Variants in ZNF385D observed in about 807,000 individuals in gnomAD.
The protein encoded by ZNF385D is zinc finger protein 659.
Under a neutral mutation model 35.8 loss-of-function variants are expected in ZNF385D, and 15 were observed. The ratio of observed to expected loss-of-function variants is 0.42; its 90% CI spans 0.28 to 0.64. The LOEUF (loss-of-function observed/expected upper bound fraction) is 0.64, where lower values mean the gene tolerates loss of function less well. Among genes scored for constraint, ZNF385D ranks in the 30% least tolerant of loss-of-function variants. The probability of loss-of-function intolerance (pLI) is 0.23; values close to 1 mark genes in which losing one functional copy is unlikely to be tolerated. For synonymous variants in ZNF385D, 212 were observed against 186.8 expected (o/e 1.13, Z -1.10); for missense variants, 474 against 494.6 (o/e 0.96, Z 0.39).
At position 22,184,728 on chromosome 3, in the gene ZNF385D, G is replaced by A. The variant is rs146582789; in HGVS notation, c.107-15693C>T. Among the ~76,000 whole-genome samples the A allele has an allele frequency of 8.6e-3, 1,306 of 152,252 alleles. 18 individuals are homozygous for A. The highest frequency in any genetic ancestry group is 0.03 in the African/African-American group (1,231 of 41,536). On this transcript the variant is annotated intron_variant, in intron 2 of 5. Coordinates refer to the ZNF385D transcript ENST00000494108. ...TATAATCCCAGCTACTCAGGAGGCT[G>A]AGGTAGGAAAATCGCTTAAACTGGG...
chr3:22,189,289 A>C (rs1226947505), intron 2 of ZNF385D, among the ~76,000 whole-genome samples: 1 of 152,132 alleles, frequency 6.6e-6, no homozygotes, highest in African/African-American at 2.4e-5. Context: ...ACATATCCAG[A>C]ATGGCATAGA....
chr3:21,538,990 G>A (rs1383641771), intron 3 of ZNF385D, among the ~76,000 whole-genome samples: 1 of 152,010 alleles, frequency 6.6e-6, no homozygotes, highest in Non-Finnish European at 1.5e-5. Context: ...ACCATACTGT[G>A]GGCTAAAATG....
At chr3:21,578,257 T>C (rs1431482585) in intron 2 of ZNF385D, among the ~76,000 whole-genome samples, 1 of 152,212 alleles carries the variant, frequency 6.6e-6, no homozygotes, top group African/African-American at 2.4e-5. Flanking sequence ...TTTGCAAATA[T>C]TTTCCTTCAC....
chr3:21,797,828 G>A (rs1230069931), intron 3 of ZNF385D, among the ~76,000 whole-genome samples: 2 of 152,152 alleles, frequency 1.3e-5, no homozygotes, highest in African/African-American at 4.8e-5. Flanking sequence ...AAGATCAGTG[G>A]TTTCCAGGAA....
At position 22,293,978 on chromosome 3, in the gene ZNF385D, T is replaced by C. The variant is rs185873525; in HGVS notation, c.106+78472A>G. Among the ~76,000 whole-genome samples the C allele has an allele frequency of 4.8e-4, 73 of 152,202 alleles. No homozygotes were observed. The East Asian group carries it at 0.01, about 22-fold the overall frequency. ...ATGTTAAGTTTGGGATCAATGAATT[T>C]TCTTCTCCAGGCATGGTAATTCTAT... On this transcript the variant is annotated intron_variant, in intron 2 of 5. Coordinates refer to the ZNF385D transcript ENST00000494108.
intron 3 of ZNF385D, among the ~76,000 whole-genome samples, chr3:22,080,241 G>C (rs1700679045): frequency 6.6e-6 from 1 of 152,064 alleles, no homozygotes; most frequent in African/African-American, 2.4e-5. Context: ...GAGTGTTACT[G>C]ACACAGTAGA....
At chr3:22,333,615 T>C (rs2125464400) in intron 2 of ZNF385D, among the ~76,000 whole-genome samples, 1 of 152,324 alleles carries the variant, frequency 6.6e-6, no homozygotes, top group Admixed American at 6.5e-5. Context: ...TCCCATTTTG[T>C]TCTTTTTTAC....
chr3:21,889,540 A>G (rs533489644), intron 3 of ZNF385D, among the ~76,000 whole-genome samples: 14 of 152,290 alleles, frequency 9.2e-5, no homozygotes, highest in Middle Eastern at 3.4e-3. Context: ...TGAGACTGCC[A>G]TTTTATATTA....
chr3:21,992,984 T>C lies in ZNF385D; in HGVS notation c.325+175833A>G, dbSNP rs376337462. Among the ~76,000 whole-genome samples, 22 of 152,338 alleles carry C rather than the reference T, an allele frequency of 1.4e-4. No homozygotes were observed. The East Asian group carries it at 3.7e-3, about 25-fold the overall frequency. On this transcript the variant is annotated intron_variant, in intron 3 of 5. Transcript: ENST00000494108. Reference sequence around the variant, plus strand: ...CGTCAAATCACCCACAGGAGTAGTATAGGAATTTTCTCTCCTTTCAGAAAT... The same window carrying C: ...CGTCAAATCACCCACAGGAGTAGTACAGGAATTTTCTCTCCTTTCAGAAAT...
At chr3:21,935,704 C>T (rs948565798) in intron 3 of ZNF385D, among the ~76,000 whole-genome samples, 1 of 151,026 alleles carries the variant, frequency 6.6e-6, no homozygotes, top group Non-Finnish European at 1.5e-5. Flanking sequence ...GACTCAGTTT[C>T]CCTAAAATCT....
chr3:21,807,846 G>C (rs1225267539), intron 3 of ZNF385D, among the ~76,000 whole-genome samples: 1 of 152,290 alleles, frequency 6.6e-6, no homozygotes, highest in Non-Finnish European at 1.5e-5. Flanking sequence ...CTGAGATGGA[G>C]TGTCATAGTT....
intron 2 of ZNF385D, among the ~76,000 whole-genome samples, chr3:22,257,659 G>A (rs183651701): frequency 6.6e-6 from 1 of 151,864 alleles, no homozygotes; most frequent in Admixed American, 6.6e-5. Flanking sequence ...AGTGAAGGAT[G>A]TGAGAATGGT....
intron 3 of ZNF385D, among the ~76,000 whole-genome samples, chr3:22,067,962 G>C (rs919634916): frequency 6.6e-6 from 1 of 151,614 alleles, no homozygotes; most frequent in Non-Finnish European, 1.5e-5. Context: ...GCAGTGAGCC[G>C]AGATCACGCC....
chr3:22,102,769 T>G lies in ZNF385D; in HGVS notation c.325+66048A>C, dbSNP rs577610757. ...AAGATTAAAGAAAACTCATATTCCT[T>G]TCTGTGTTTTCCCAAGCAGTTGTAC... On this transcript the variant is annotated intron_variant, in intron 3 of 5. Transcript: ENST00000494108. 2.1e-3 allele frequency among the ~76,000 whole-genome samples: 315 copies of G among 152,140 alleles called. 1 individual carries two copies. The highest frequency in any genetic ancestry group is 3.1e-3 in the Non-Finnish European group (209 of 67,988).
chr3:21,671,686 A>G (rs1387275682), intron 1 of ZNF385D, among the ~76,000 whole-genome samples: 1 of 152,152 alleles, frequency 6.6e-6, no homozygotes, highest in Non-Finnish European at 1.5e-5. Context: ...TAAAAAATAC[A>G]CCTTACAGAA....
At chr3:22,041,107 C>T (rs544618460) in intron 3 of ZNF385D, among the ~76,000 whole-genome samples, 2 of 152,210 alleles carry the variant, frequency 1.3e-5, no homozygotes, top group Admixed American at 1.3e-4. Context: ...CTCTGTCACT[C>T]TCTTCTCTGT....
intron 3 of ZNF385D, among the ~76,000 whole-genome samples, chr3:22,119,706 G>C (rs974228308): frequency 6.6e-6 from 1 of 152,116 alleles, no homozygotes; most frequent in African/African-American, 2.4e-5. Context: ...TGGAAGATAT[G>C]CTGTTTTACT....
chr3:22,363,281 T>C (rs894539626), intron 2 of ZNF385D, among the ~76,000 whole-genome samples: 8 of 152,094 alleles, frequency 5.3e-5, no homozygotes, highest in Non-Finnish European at 7.4e-5. Context: ...TCACAAAGTC[T>C]ATGAGCACTC....
chr3:21,900,237 T>C (rs1397022772), intron 3 of ZNF385D, among the ~76,000 whole-genome samples: 1 of 152,164 alleles, frequency 6.6e-6, no homozygotes, highest in African/African-American at 2.4e-5. Flanking sequence ...GGAAAACAGT[T>C]GGAGCCACGT....
Sources: allele counts gnomAD v4.1 joint callset (sites outside exome capture counted in the v4.1 genomes callset), GRCh38; gene constraint gnomAD v4.1.1; transcripts MANE v1.5; gene names NCBI Gene and HGNC (gene_info 2026-07-23, HGNC 2026-07-21).